The following TMEM132C variants were observed in gnomAD, a reference collection of about 807,000 sequenced individuals.
TMEM132C encodes the protein protein phosphatase 1, regulatory subunit 152.
A neutral mutation model predicts 61.4 loss-of-function variants in TMEM132C; 29 were observed. That is an observed-to-expected ratio of 0.47 (90% CI 0.35 to 0.64). The LOEUF is 0.64. Ranked by LOEUF, TMEM132C falls within the 30% of genes least tolerant of loss-of-function variation. The pLI is 0.00. For synonymous variants in TMEM132C, 656 were observed against 633.1 expected (o/e 1.04, Z -0.54); for missense variants, 1,408 against 1,476.9 (o/e 0.95, Z 0.76).
chr12:128,685,750 G>T (rs11614035), intron 5 of TMEM132C, among the ~76,000 whole-genome samples: 49,818 of 151,892 alleles, frequency 0.33, 8,167 homozygotes, highest in Middle Eastern at 0.37. Flanking sequence ...ACCTCTAGGG[G>T]TGACTGGCTG....
At chr12:128,505,138 A>C (rs1872314833) in intron 2 of TMEM132C, among the ~76,000 whole-genome samples, 1 of 152,148 alleles carries the variant, frequency 6.6e-6, no homozygotes, top group Non-Finnish European at 1.5e-5. Flanking sequence ...GGCTACATTA[A>C]GCAAAGTCAG....
intron 1 of TMEM132C, among the ~76,000 whole-genome samples, chr12:128,269,959 G>T (rs1457123949): frequency 6.6e-6 from 1 of 152,156 alleles, no homozygotes; most frequent in Non-Finnish European, 1.5e-5. Context: ...TTTGCAATTT[G>T]TCAGGGTTCG....
chr12:128,486,922 G>C (rs77236169), intron 2 of TMEM132C, among the ~76,000 whole-genome samples: 1 of 104,000 alleles, frequency 9.6e-6, no homozygotes, highest in African/African-American at 4.4e-5. Flanking sequence ...CACACACACA[G>C]CTCAGCACTT....
chr12:128,472,648 A>G (rs1343772151), intron 2 of TMEM132C, among the ~76,000 whole-genome samples: 1 of 152,150 alleles, frequency 6.6e-6, no homozygotes, highest in Admixed American at 6.5e-5. Context: ...GGGAGATAAT[A>G]TCCCTGGTGG....
At chr12:128,697,831 C>A (rs189692619) in intron 8 of TMEM132C, among the ~76,000 whole-genome samples, 85 of 152,280 alleles carry the variant, frequency 5.6e-4, no homozygotes, top group African/African-American at 1.9e-3. Flanking sequence ...TCTTGTGCAG[C>A]CCTCAGTCTC....
At chr12:128,351,617 A>G (rs1249859638) in intron 1 of TMEM132C, among the ~76,000 whole-genome samples, 3 of 152,014 alleles carry the variant, frequency 2.0e-5, no homozygotes, top group Non-Finnish European at 4.4e-5. Flanking sequence ...GCTTCCACTC[A>G]TGGTGGAAAG....
intron 2 of TMEM132C, among the ~76,000 whole-genome samples, chr12:128,464,901 T>G (rs918530484): frequency 6.6e-6 from 1 of 151,770 alleles, no homozygotes; most frequent in African/African-American, 2.4e-5. Context: ...AGGTACCACT[T>G]AGGGACAACG....
intron 5 of TMEM132C, among the ~76,000 whole-genome samples, chr12:128,671,725 T>G (rs946194528): frequency 2.0e-5 from 3 of 152,208 alleles, no homozygotes; most frequent in African/African-American, 7.2e-5. Context: ...CACTCAACCA[T>G]GACAGCATTC....
chr12:128,447,512 C>G (rs925604754), intron 2 of TMEM132C, among the ~76,000 whole-genome samples: 1 of 152,090 alleles, frequency 6.6e-6, no homozygotes, highest in Non-Finnish European at 1.5e-5. Flanking sequence ...ATTTAACAAC[C>G]TGCTCTTCAG....
intron 1 of TMEM132C, among the ~76,000 whole-genome samples, chr12:128,389,147 C>CTTCATTCA (rs530425854): frequency 6.6e-6 from 1 of 152,192 alleles, no homozygotes; most frequent in South Asian, 2.1e-4. Flanking sequence ...TTTGTTCCTA[C>CTTCATTCA]TTCATTCATT....
rs559070989 is a variant in TMEM132C, at chr12:128,270,152, C to T, written c.85+2665C>T. ...GGGCGGTGCCAGGCTGAGATGCCCT[C>T]GGAAGTTTAGTGATGGTTGTTAGTC... On this transcript the variant is annotated intron_variant, in intron 1 of 8. Transcript: ENST00000435159. Among the ~76,000 whole-genome samples, 11 of 152,266 alleles carry T rather than the reference C, an allele frequency of 7.2e-5. No individual in the cohort carries two copies. The South Asian group carries it at 1.9e-3, about 26-fold the overall frequency.
intron 1 of TMEM132C, among the ~76,000 whole-genome samples, chr12:128,339,160 A>G (rs750589652): frequency 4.5e-4 from 69 of 151,972 alleles, no homozygotes; most frequent in Non-Finnish European, 9.1e-4. Flanking sequence ...CCTTCAAAGC[A>G]CTGGAGGTCA....
chr12:128,431,020 G>T (rs1167281507), intron 2 of TMEM132C, among the ~76,000 whole-genome samples: 5 of 152,202 alleles, frequency 3.3e-5, no homozygotes, highest in Admixed American at 1.3e-4. Flanking sequence ...AAATGATGAA[G>T]CTTCATGAGG....
intron 1 of TMEM132C, among the ~76,000 whole-genome samples, chr12:128,327,686 G>C (rs1469658576): frequency 6.6e-6 from 1 of 152,198 alleles, no homozygotes; most frequent in African/African-American, 2.4e-5. Context: ...CCCGGCTGCA[G>C]CTTGGTTTTA....
intron 1 of TMEM132C, among the ~76,000 whole-genome samples, chr12:128,361,709 G>A (rs940614288): frequency 6.6e-6 from 1 of 151,480 alleles, no homozygotes; most frequent in Admixed American, 6.6e-5. Flanking sequence ...AGGAGATGGA[G>A]ACCATGTGCT....
intron 3 of TMEM132C, among the ~76,000 whole-genome samples, chr12:128,592,275 G>A (rs1249652454): frequency 6.6e-6 from 1 of 152,070 alleles, no homozygotes; most frequent in African/African-American, 2.4e-5. Flanking sequence ...CGCCTGTATC[G>A]CTTCACTTAT....
chr12:128,527,267 G>T (rs551935071), intron 2 of TMEM132C, among the ~76,000 whole-genome samples: 3 of 152,292 alleles, frequency 2.0e-5, no homozygotes, highest in East Asian at 1.9e-4. Flanking sequence ...CAAGAAAGTG[G>T]CCAGGATGTG....
rs1226785480 is a variant in TMEM132C at position 128,303,957 on chromosome 12, G to A, written c.85+36470G>A. 2.0e-5 allele frequency among the ~76,000 whole-genome samples: 3 copies of A among 151,980 alleles called. No homozygotes were observed. The East Asian group carries it at 5.8e-4, about 29-fold the overall frequency. On this transcript the variant is annotated intron_variant, in intron 1 of 8. Transcript: ENST00000435159. ...TACCAGGGAGGTCTTCCCAGTGAAG[G>A]CCATTCTTGACCAACGAGACCCAAC... is the stretch of plus-strand genomic sequence containing the variant.
chr12:128,291,213 A>G (rs1871236702), intron 1 of TMEM132C, among the ~76,000 whole-genome samples: 1 of 152,246 alleles, frequency 6.6e-6, no homozygotes, highest in Admixed American at 6.5e-5. Context: ...GAAGAAATAA[A>G]TATCTATAGA....
Sources: allele counts gnomAD v4.1 joint callset (sites outside exome capture counted in the v4.1 genomes callset), GRCh38; gene constraint gnomAD v4.1.1; transcripts MANE v1.5; gene names NCBI Gene and HGNC (gene_info 2026-07-23, HGNC 2026-07-21).